The following SATB2 variants were observed in gnomAD, a reference collection of about 807,000 sequenced individuals.
SATB2 encodes the protein DNA-binding protein SATB2.
Under a neutral mutation model 73.4 loss-of-function variants are expected in SATB2, and 1 was observed. That is an observed-to-expected ratio of 0.01 (90% CI 0.00 to 0.06). The LOEUF (loss-of-function observed/expected upper bound fraction) is 0.06. SATB2 is among the 10% of genes least tolerant of loss of function. SATB2 has a pLI of 1.00. For synonymous variants in SATB2, 397 were observed against 367.0 expected (o/e 1.08, Z -0.93); for missense variants, 459 against 945.8 (o/e 0.49, Z 6.75).
At chr2:199,422,879 T>C (rs1691214040) in intron 3 of SATB2, among the ~76,000 whole-genome samples, 1 of 152,164 alleles carries the variant, frequency 6.6e-6, no homozygotes, top group Non-Finnish European at 1.5e-5. Flanking sequence ...AAAGCTTCAA[T>C]TTCCCTCACA....
At chr2:199,371,408 C>G (rs558977774) in intron 5 of SATB2, among the ~76,000 whole-genome samples, 202 of 152,022 alleles carry the variant, frequency 1.3e-3, no homozygotes, top group Non-Finnish European at 2.2e-3. Flanking sequence ...TGTGCTATTA[C>G]TCTACAGAAA....
chr2:199,433,524 C>A lies in SATB2; in HGVS notation c.170-10G>T, dbSNP rs773309063. On this transcript the variant is annotated splice_polypyrimidine_tract_variant and intron_variant, in intron 2 of 10. Coordinates refer to ENST00000417098, the MANE Select transcript of SATB2 (RefSeq NM_001172509.2). ...ACAGGAATCATCAAACCTGAAGGGACAAAATTCAAGAGCAAAACACAAACA... is the reference window on the plus strand; with the variant it reads ...ACAGGAATCATCAAACCTGAAGGGAAAAAATTCAAGAGCAAAACACAAACA... 1.2e-6 allele frequency: 2 copies of A among 1,613,646 alleles called. No individual in the cohort carries two copies. The highest frequency in any genetic ancestry group is 2.2e-5 in the South Asian group (2 of 91,060).
intron 9 of SATB2, among the ~76,000 whole-genome samples, chr2:199,317,411 G>T (rs931302275): frequency 2.0e-5 from 3 of 151,998 alleles, no homozygotes; most frequent in Non-Finnish European, 4.4e-5. Flanking sequence ...CTTTAATATG[G>T]CAACCTAATT....
intron 4 of SATB2, among the ~76,000 whole-genome samples, chr2:199,381,121 T>C (rs762735100): frequency 2.6e-5 from 4 of 152,190 alleles, no homozygotes; most frequent in East Asian, 1.9e-4. Context: ...TAGAGAGATA[T>C]CTTGTTCCAG....
At chr2:199,320,535 G>A (rs1233026648) in intron 9 of SATB2, among the ~76,000 whole-genome samples, 1 of 152,104 alleles carries the variant, frequency 6.6e-6, no homozygotes, top group African/African-American at 2.4e-5. Context: ...CAATCACCAA[G>A]GGACTAACTA....
chr2:199,326,594 T>A (rs1005829955), intron 8 of SATB2, among the ~76,000 whole-genome samples: 1 of 152,076 alleles, frequency 6.6e-6, no homozygotes, highest in Non-Finnish European at 1.5e-5. Flanking sequence ...CAAGCAGAAG[T>A]AACTTTCTAA....
At chr2:199,328,185 G>C (rs1456928317) in intron 8 of SATB2, among the ~76,000 whole-genome samples, 1 of 152,134 alleles carries the variant, frequency 6.6e-6, no homozygotes, top group Non-Finnish European at 1.5e-5. Context: ...CAGAAATATA[G>C]TATGGGATCA....
At chr2:199,309,068 C>T in intron 9 of SATB2, 111 bp from the exon 10 acceptor site, 1 of 934,498 alleles carries the variant, frequency 1.1e-6, no homozygotes, top group Non-Finnish European at 1.7e-6. Flanking sequence ...CAAAATTGTT[C>T]CTGCCAACGT....
chr2:199,341,227 A>G (rs1383321568), intron 7 of SATB2, among the ~76,000 whole-genome samples: 1 of 152,216 alleles, frequency 6.6e-6, no homozygotes, highest in Non-Finnish European at 1.5e-5. Flanking sequence ...CAAGCAACAT[A>G]TTTCATGTAC....
At chr2:199,386,735 C>G (rs1689970447) in intron 3 of SATB2, among the ~76,000 whole-genome samples, 1 of 128,228 alleles carries the variant, frequency 7.8e-6, no homozygotes, top group African/African-American at 2.9e-5. Context: ...CACACACACA[C>G]ACACACACAC....
At chr2:199,338,535 T>C (rs969063631) in intron 7 of SATB2, among the ~76,000 whole-genome samples, 1 of 151,654 alleles carries the variant, frequency 6.6e-6, no homozygotes, top group Admixed American at 6.6e-5. Context: ...CAAAAGTGAG[T>C]TTTCTTTAGT....
At chr2:199,315,495 A>G (rs1020478553) in intron 9 of SATB2, among the ~76,000 whole-genome samples, 8 of 151,972 alleles carry the variant, frequency 5.3e-5, no homozygotes, top group Non-Finnish European at 1.2e-4. Context: ...GGGGAGGGGC[A>G]CACCACAGAT....
Position 199,380,500 on chromosome 2 carries a change from G to C in SATB2, c.474-13C>G. On this transcript the variant is annotated splice_polypyrimidine_tract_variant and intron_variant, in intron 4 of 10. Coordinates refer to ENST00000417098, the MANE Select transcript of SATB2 (RefSeq NM_001172509.2). ...CAACTTTGAACAACTGCAAAACAGA[G>C]CAATAATGAACAATACACAAACCTC... The C allele has an allele frequency of 6.2e-7, 1 of 1,611,580 alleles. No homozygotes were observed. Among genetic ancestry groups the C allele is most frequent in the East Asian group, 2.2e-5 (1 of 44,868 alleles).
intron 3 of SATB2, among the ~76,000 whole-genome samples, chr2:199,420,549 C>T (rs1691134030): frequency 6.6e-6 from 1 of 152,100 alleles, no homozygotes; most frequent in Admixed American, 6.5e-5. Flanking sequence ...GAATGTGCCA[C>T]CCCAAATGTT....
intron 10 of SATB2, among the ~76,000 whole-genome samples, chr2:199,295,078 C>T (rs1692989145): frequency 6.6e-6 from 1 of 152,140 alleles, no homozygotes; most frequent in African/African-American, 2.4e-5. Flanking sequence ...CAACCAGATA[C>T]TCAAGTGAGC....
intron 7 of SATB2, among the ~76,000 whole-genome samples, chr2:199,337,065 T>A (rs750039163): frequency 1.6e-4 from 25 of 152,156 alleles, no homozygotes; most frequent in Non-Finnish European, 3.4e-4. Flanking sequence ...TACATAAACA[T>A]CACAGTACAA....
Position 199,452,860 on chromosome 2 carries a change from C to T in SATB2, c.169+3009G>A, listed in dbSNP as rs565874413. Among the ~76,000 whole-genome samples, 38 of 152,116 alleles carry T rather than the reference C, an allele frequency of 2.5e-4. No individual in the cohort carries two copies. In the South Asian group the frequency reaches 7.5e-3, roughly 30 times the overall value. On this transcript the variant is annotated intron_variant, in intron 2 of 10. Coordinates refer to ENST00000417098, the MANE Select transcript of SATB2 (RefSeq NM_001172509.2). ...TATTACATACATGCTTTAAAACACA[C>T]TGCTCAGATAAGAGTAAAAACATCC...
chr2:199,431,092 T>A (rs539406108), intron 3 of SATB2, among the ~76,000 whole-genome samples: 3 of 152,110 alleles, frequency 2.0e-5, no homozygotes, highest in Non-Finnish European at 4.4e-5. Flanking sequence ...CATGAAACAA[T>A]CAACAAAGTC....
At chr2:199,348,513 ATTAG>A in intron 7 of SATB2, 184 bp downstream of exon 7, 1 of 633,542 alleles carries the variant, frequency 1.6e-6, no homozygotes, top group Non-Finnish European at 2.8e-6. Flanking sequence ...AAATTAATCA[ATTAG>A]TTAATTAATC....
Sources: allele counts gnomAD v4.1 joint callset (sites outside exome capture counted in the v4.1 genomes callset), GRCh38; gene constraint gnomAD v4.1.1; transcripts MANE v1.5; gene names NCBI Gene and HGNC (gene_info 2026-07-23, HGNC 2026-07-21).